Variants in IRAK4 observed in about 807,000 individuals in gnomAD.
IRAK4 encodes the protein interleukin 1 receptor associated kinase 4.
IRAK4 carries 44 observed loss-of-function variants against 51.8 expected under a neutral mutation model. The ratio of observed to expected loss-of-function variants is 0.85; its 90% CI spans 0.67 to 1.09. IRAK4 has a LOEUF of 1.09. Among genes scored for constraint, IRAK4 ranks in the 50% least tolerant of loss-of-function variants. The probability of loss-of-function intolerance (pLI) is 0.00; values close to 1 mark genes in which losing one functional copy is unlikely to be tolerated. For missense variants in IRAK4, 487 were observed against 538.0 expected, an observed-to-expected ratio of 0.91 and a Z score of 0.94; for synonymous variants, 149 against 174.1, an observed-to-expected ratio of 0.86 and a Z score of 1.13.
intron 6 of IRAK4, among the ~76,000 whole-genome samples, chr12:43,776,499 C>A (rs1941285866): frequency 6.6e-6 from 1 of 152,184 alleles, no homozygotes; most frequent in Admixed American, 6.5e-5. Context: ...AATTGTGGAT[C>A]ATTTTGAATG....
chr12:43,772,448 G>A, intron 4 of IRAK4, 86 bp downstream of exon 4: 1 of 1,240,288 alleles, frequency 8.1e-7, no homozygotes. Flanking sequence ...TCTTTTGTTT[G>A]TGCAGCAATC....
rs772625246 is a variant in IRAK4 at position 43,771,220 on chromosome 12, G to A, written c.162G>A (p.Arg54=). 3.1e-6 allele frequency: 5 copies of A among 1,613,296 alleles called. No individual in the cohort carries two copies. Among genetic ancestry groups the A allele is most frequent in the Non-Finnish European group, 4.2e-6 (5 of 1,179,410 alleles). ...TGTTTCTTTGTTACTTACTTTTAAG[G>A]AGATTTGAAGCATTACTTCAAACTG... ...GDDRYNQFHI[R]RFEALLQTGK... Residue 54 remains arginine, a splice_region_variant and synonymous_variant, in exon 3 of 12, where the codon AGG becomes AGA. Coordinates refer to ENST00000613694, the MANE Select transcript of IRAK4 (RefSeq NM_016123.4).
At chr12:43,773,170 A>T (rs1940950081) in intron 5 of IRAK4, 98 bp downstream of exon 5, 17 of 1,125,228 alleles carry the variant, frequency 1.5e-5, no homozygotes, top group Non-Finnish European at 1.9e-5. Flanking sequence ...TTATTTCAGT[A>T]TGTATTTTCT....
intron 5 of IRAK4, 139 bp downstream of exon 5, chr12:43,773,211 T>A: frequency 1.2e-6 from 1 of 815,352 alleles, no homozygotes; most frequent in Non-Finnish European, 1.9e-6. Context: ...ATAGTAGTTC[T>A]TAAAATTTTA....
At chr12:43,774,795 AG>A (rs1420569886) in intron 6 of IRAK4, among the ~76,000 whole-genome samples, 3 of 152,230 alleles carry the variant, frequency 2.0e-5, no homozygotes, top group African/African-American at 7.2e-5. Flanking sequence ...CAGGAAAAGT[AG>A]GAGGGACAAA....
At chr12:43,772,443 T>C in intron 4 of IRAK4, 81 bp downstream of exon 4, 2 of 1,296,588 alleles carry the variant, frequency 1.5e-6, no homozygotes, top group South Asian at 2.4e-5. Context: ...CTTGCTCTTT[T>C]GTTTGTGCAG....
chr12:43,776,061 AT>A (rs2137982190), intron 6 of IRAK4, among the ~76,000 whole-genome samples: 1 of 151,470 alleles, frequency 6.6e-6, no homozygotes, highest in South Asian at 2.1e-4. Flanking sequence ...TTGTTTTTGT[AT>A]TTTTAGTAGA....
At chr12:43,771,047 C>G in intron 2 of IRAK4, 173 bp from the exon 3 acceptor site, 1 of 703,788 alleles carries the variant, frequency 1.4e-6, no homozygotes, top group Non-Finnish European at 2.6e-6. Context: ...GATGATGTAG[C>G]AAGAAGGCCC....
In IRAK4 at chr12:43,786,459, A is replaced by G. The variant is rs1393934335; in HGVS notation, c.1249A>G (p.Lys417Glu). ...GACAATTGAAGATTATATTGATAAAAAGATGAATGATGCTGATTCCACTTC... is the reference window on the plus strand; with the variant it reads ...GACAATTGAAGATTATATTGATAAAGAGATGAATGATGCTGATTCCACTTC... ...EKTIEDYIDK[K>E]MNDADSTSVE... The change falls in exon 11 of 12, where the codon AAG becomes GAG. Residue 417 changes from lysine to glutamate, a missense_variant. Physicochemically the swap from Lys to Glu is moderately conservative, Grantham distance 56 (BLOSUM62 1). Coordinates refer to ENST00000613694, the MANE Select transcript of IRAK4 (RefSeq NM_016123.4). 1 of 1,610,138 alleles carries G rather than the reference A, an allele frequency of 6.2e-7. No individual in the cohort carries two copies. Among genetic ancestry groups the G allele is most frequent in the Non-Finnish European group, 8.5e-7 (1 of 1,178,564 alleles).
intron 1 of IRAK4, among the ~76,000 whole-genome samples, chr12:43,764,150 A>G (rs975445915): frequency 5.9e-5 from 9 of 152,180 alleles, no homozygotes; most frequent in African/African-American, 1.2e-4. Flanking sequence ...TTGGCTCAGC[A>G]CTATGGCTCA....
At position 43,772,207 on chromosome 12, in the gene IRAK4, T is replaced by C. The variant is rs1940836736; in HGVS notation, c.335T>C (p.Leu112Pro). 1 of 1,613,630 alleles carries C rather than the reference T, an allele frequency of 6.2e-7. No individual in the cohort carries two copies. Residue 112 changes from leucine (L) to proline (P), a missense_variant, in exon 4 of 12, where the codon CTA becomes CCA. Coordinates refer to ENST00000613694, the MANE Select transcript of IRAK4 (RefSeq NM_016123.4). ...PDAVPKTANT[L>P]PSKEAITVQQ... is the part of the protein sequence containing the mutation. ...GCTGTTCCCAAAACTGCTAATACAC[T>C]ACCTTCTAAAGAAGCTATAACAGTT...
At chr12:43,764,853 A>G (rs117008835) in intron 1 of IRAK4, among the ~76,000 whole-genome samples, 2,830 of 152,338 alleles carry the variant, frequency 0.019, 57 homozygotes, top group South Asian at 0.071. Flanking sequence ...CTGTTTCTCA[A>G]AACCCTCTCT....
intron 6 of IRAK4, among the ~76,000 whole-genome samples, chr12:43,777,099 A>G (rs750071134): frequency 7.9e-5 from 12 of 152,232 alleles, no homozygotes; most frequent in Non-Finnish European, 1.8e-4. Flanking sequence ...TGTAAAATAG[A>G]AAGAGGTTTG....
intron 1 of IRAK4, among the ~76,000 whole-genome samples, chr12:43,765,691 C>T (rs1940063200): frequency 6.6e-6 from 1 of 151,738 alleles, no homozygotes. Flanking sequence ...TCCATGAACT[C>T]TTTGAAAACC....
chr12:43,781,268 T>C (rs1469484197), intron 8 of IRAK4, among the ~76,000 whole-genome samples: 1 of 152,226 alleles, frequency 6.6e-6, no homozygotes, highest in African/African-American at 2.4e-5. Flanking sequence ...CAAACCTTCG[T>C]AGTCAACCTA....
chr12:43,781,300 T>C (rs974314753), intron 8 of IRAK4, among the ~76,000 whole-genome samples: 1 of 152,220 alleles, frequency 6.6e-6, no homozygotes, highest in Admixed American at 6.5e-5. Flanking sequence ...TCAGTTCTCA[T>C]CTATTCACTA....
rs373167326 is a variant in IRAK4 at position 43,778,226 on chromosome 12, T to C, written c.865T>C (p.Cys289Arg). ...TCCACCACTTTCTTGGCACATGAGA[T>C]GCAAGATTGCTCAGGGTGCAGCTAA... Reference protein sequence around the residue: ...GTPPLSWHMRCKIAQGAANGI... With the variant: ...GTPPLSWHMRRKIAQGAANGI... The change falls in exon 8 of 12, where the codon TGC (cysteine) becomes CGC (arginine). Residue 289 changes from cysteine to arginine, a missense_variant. Physicochemically the swap from Cys to Arg is radical, Grantham distance 180 (BLOSUM62 -3). Transcript: ENST00000613694. The C allele has an allele frequency of 6.2e-7, 1 of 1,610,846 alleles. No individual in the cohort carries two copies. The highest frequency in any genetic ancestry group is 1.3e-5 in the African/African-American group (1 of 74,878).
rs4251584 is a variant in IRAK4 at position 43,787,704 on chromosome 12, T to G, written c.*989T>G. ...CCTGGATTTCAGCTTTGCATGATCC[T>G]CAGTATGAGAATCTATCTGTTCTGT... On this transcript the variant is annotated 3_prime_UTR_variant, in exon 12 of 12. Transcript: ENST00000613694. 3.4e-3 allele frequency: 525 copies of G among 152,354 alleles called. 3 individuals carry two copies. The highest frequency in any genetic ancestry group is 0.017 in the Middle Eastern group (5 of 294). The allele number at this position is 152,354 out of a possible 1,614,324, so 9.4% of individuals were successfully genotyped here. A position where few individuals can be genotyped will look rare whatever the true frequency, so the allele number is the denominator to read the frequency against.
At chr12:43,776,762 CCA>C (rs917126770) in intron 6 of IRAK4, among the ~76,000 whole-genome samples, 1 of 152,186 alleles carries the variant, frequency 6.6e-6, no homozygotes, top group African/African-American at 2.4e-5. Flanking sequence ...TTTCGTCTTA[CCA>C]CAGATGCTGC....
Sources: allele counts gnomAD v4.1 joint callset (sites outside exome capture counted in the v4.1 genomes callset), GRCh38; gene constraint gnomAD v4.1.1; transcripts MANE v1.5; gene names NCBI Gene and HGNC (gene_info 2026-07-23, HGNC 2026-07-21).